Variants in SPG11 observed in about 807,000 individuals in gnomAD.
SPG11 encodes SPG11 vesicle trafficking associated, spatacsin.
Under a neutral mutation model 274.0 loss-of-function variants are expected in SPG11, and 222 were observed. That is an observed-to-expected ratio of 0.81 (90% CI 0.73 to 0.91). The LOEUF (loss-of-function observed/expected upper bound fraction) is 0.91, where lower values mean the gene tolerates loss of function less well. Among genes scored for constraint, SPG11 ranks in the 40% least tolerant of loss-of-function variants. SPG11 has a pLI of 0.00. For missense variants in SPG11, 3,114 were observed against 2,872.7 expected, an observed-to-expected ratio of 1.08 and a Z score of -1.92; for synonymous variants, 1,144 against 1,039.7, an observed-to-expected ratio of 1.10 and a Z score of -1.93.
intron 8 of SPG11, among the ~76,000 whole-genome samples, chr15:44,630,874 A>C (rs2084042275): frequency 6.6e-6 from 1 of 152,100 alleles, no homozygotes; most frequent in South Asian, 2.1e-4. Context: ...CACTGCACCC[A>C]GTCTGAGAAT....
At chr15:44,641,649 A>G (rs1158174782) in intron 7 of SPG11, among the ~76,000 whole-genome samples, 5 of 150,646 alleles carry the variant, frequency 3.3e-5, no homozygotes, top group African/African-American at 7.3e-5. Flanking sequence ...TTAATCAGGG[A>G]AATGCAAATG....
chr15:44,632,686 C>A (rs2084106593), intron 8 of SPG11, among the ~76,000 whole-genome samples: 1 of 151,826 alleles, frequency 6.6e-6, no homozygotes, highest in African/African-American at 2.4e-5. Flanking sequence ...TTTTAAAATT[C>A]TTTTGTAGAA....
rs528501467 is a variant in SPG11, at chr15:44,563,926, T to C, written c.7151+621A>G. Among the ~76,000 whole-genome samples the C allele has an allele frequency of 2.7e-4, 41 of 152,342 alleles. 1 individual carries two copies. Among genetic ancestry groups the C allele is most frequent in the South Asian group, 1.0e-3 (5 of 4,830 alleles). Reference sequence around the variant, plus strand: ...GCTTGATAAAATATTTCTTTAAAAATGAGTATGTTAATGCTTACCTTATAG... The same window carrying C: ...GCTTGATAAAATATTTCTTTAAAAACGAGTATGTTAATGCTTACCTTATAG... On this transcript the variant is annotated intron_variant, in intron 39 of 39. Transcript: ENST00000261866.
intron 8 of SPG11, among the ~76,000 whole-genome samples, chr15:44,630,651 G>T (rs1224824394): frequency 6.6e-6 from 1 of 152,006 alleles, no homozygotes; most frequent in Non-Finnish European, 1.5e-5. Flanking sequence ...GCGATCTCGG[G>T]TCACTGCAAC....
Position 44,659,303 on chromosome 15 carries a change from C to T in SPG11, c.443G>A (p.Ser148Asn), listed in dbSNP as rs141990871. ...LQKLIDDQDISISLLSLRILS... is the reference protein window; with the variant it reads ...LQKLIDDQDINISLLSLRILS... ...GATTCTCAAAGACAATAAGGAAATA[C>T]CTACAAAACAAAAGGATATTATTTC... The change falls in exon 3 of 40, where the codon AGT becomes AAT. Residue 148 changes from serine (S) to asparagine (N), a missense_variant and splice_region_variant. Coordinates refer to ENST00000261866, the MANE Select transcript of SPG11 (RefSeq NM_025137.4). 60 of 1,608,900 alleles carry T rather than the reference C, an allele frequency of 3.7e-5. 1 individual carries two copies. The South Asian group carries it at 5.3e-4, about 14-fold the overall frequency.
intron 7 of SPG11, among the ~76,000 whole-genome samples, chr15:44,645,676 C>T (rs1294527559): frequency 1.3e-5 from 2 of 152,126 alleles, no homozygotes; most frequent in Non-Finnish European, 1.5e-5. Context: ...AATAAACAGA[C>T]AACCTACAGA....
chr15:44,580,751 ACTGCAC>A (rs1306240926), intron 30 of SPG11, among the ~76,000 whole-genome samples: 5 of 152,274 alleles, frequency 3.3e-5, no homozygotes, highest in African/African-American at 1.2e-4. Context: ...AGATTGCGCC[ACTGCAC>A]TCCAGCCTGG....
Position 44,633,486 on chromosome 15 carries a change from A to G in SPG11, c.1735+19T>C. ...GATCAAATGATAAATACAAATGTAG[A>G]AATCTTTATTCCACTTACTTCTTAA... On this transcript the variant is annotated intron_variant, in intron 8 of 39. Transcript: ENST00000261866. 6.4e-7 allele frequency: 1 copy of G among 1,563,054 alleles called. No individual in the cohort carries two copies. Among genetic ancestry groups the G allele is most frequent in the East Asian group, 2.2e-5 (1 of 44,602 alleles).
Position 44,626,455 on chromosome 15 carries a change from A to G in SPG11, c.2120T>C (p.Phe707Ser). 1 of 1,614,072 alleles carries G rather than the reference A, an allele frequency of 6.2e-7. No homozygotes were observed. Among genetic ancestry groups the G allele is most frequent in the Non-Finnish European group, 8.5e-7 (1 of 1,179,982 alleles). Residue 707 changes from phenylalanine (F) to serine (S), a missense_variant, in exon 11 of 40, where the codon TTC becomes TCC. By Grantham distance (155) the Phe-to-Ser change is radical (BLOSUM62 -2). Transcript: ENST00000261866. The stretch of plus-strand genomic sequence containing the variant: ...AGCAGAATGACTATCAATCCTGAAG[A>G]AAGTCTGTGCCTCTGGTATTTTGTT... ...LNNKIPEAQTFFRIDSHSAQK... is the reference protein window; with the variant it reads ...LNNKIPEAQTSFRIDSHSAQK...
At chr15:44,569,880 C>A (rs1221674885) in intron 34 of SPG11, among the ~76,000 whole-genome samples, 1 of 152,104 alleles carries the variant, frequency 6.6e-6, no homozygotes, top group Non-Finnish European at 1.5e-5. Context: ...CCATGCCTGG[C>A]TAATTTTTGT....
At chr15:44,619,728 T>C (rs935298771) in intron 15 of SPG11, among the ~76,000 whole-genome samples, 2 of 151,518 alleles carry the variant, frequency 1.3e-5, no homozygotes, top group African/African-American at 4.9e-5. Flanking sequence ...ATGATTTTTT[T>C]TTTTTTTTTT....
At position 44,629,397 on chromosome 15, in the gene SPG11, G is replaced by C. The variant is rs778468434; in HGVS notation, c.1736-9C>G. On this transcript the variant is annotated splice_polypyrimidine_tract_variant and intron_variant, in intron 8 of 39. Coordinates refer to ENST00000261866, the MANE Select transcript of SPG11 (RefSeq NM_025137.4). ...TATCAGCTCTTCCACATCTGAGAAA[G>C]AACCAAAGAAATTAACATAAAGAAC... 6.2e-7 allele frequency: 1 copy of C among 1,613,560 alleles called. No homozygotes were observed. Among genetic ancestry groups the C allele is most frequent in the Non-Finnish European group, 8.5e-7 (1 of 1,179,844 alleles).
chr15:44,621,458 C>T (rs2083748410), intron 14 of SPG11: 4 of 366,508 alleles, frequency 1.1e-5, no homozygotes, highest in Non-Finnish European at 2.0e-5. Context: ...GCATAGATCC[C>T]CAATTTACAC....
intron 20 of SPG11, among the ~76,000 whole-genome samples, chr15:44,605,013 A>G (rs1304123169): frequency 6.7e-6 from 1 of 148,594 alleles, no homozygotes; most frequent in African/African-American, 2.5e-5. Flanking sequence ...TTCCTCAAGT[A>G]TGTTTTAAAC....
At chr15:44,639,276 T>TAC (rs71111873) in intron 7 of SPG11, among the ~76,000 whole-genome samples, 11,077 of 138,236 alleles carry the variant, frequency 0.08, 496 homozygotes, top group Admixed American at 0.16. Context: ...CACAAAGAGA[T>TAC]ACACACACAC....
intron 28 of SPG11, among the ~76,000 whole-genome samples, chr15:44,587,907 T>C (rs1204948504): frequency 6.6e-6 from 1 of 152,154 alleles, no homozygotes; most frequent in Non-Finnish European, 1.5e-5. Context: ...AAATTATTAC[T>C]ACAGATCAAT....
intron 6 of SPG11, among the ~76,000 whole-genome samples, chr15:44,649,593 T>A (rs983001516): frequency 1.3e-5 from 2 of 151,888 alleles, no homozygotes; most frequent in African/African-American, 4.8e-5. Flanking sequence ...ATGCATTTTA[T>A]GAAATAGCAC....
intron 21 of SPG11, 93 bp from the exon 22 acceptor site, chr15:44,598,929 G>T: frequency 7.9e-7 from 1 of 1,264,340 alleles, no homozygotes; most frequent in Non-Finnish European, 1.1e-6. Context: ...CAGAGGGAGT[G>T]CCAGCCATGT....
rs1431041320 is a variant in SPG11 at position 44,657,087 on chromosome 15, C to T, written c.869+8G>A. The stretch of plus-strand genomic sequence containing the variant: ...ACCTCAAATTAGAAACTGCAGTCAT[C>T]TACATACCTGAAATACAAATTTAAG... On this transcript the variant is annotated splice_region_variant and intron_variant, in intron 4 of 39. Transcript: ENST00000261866. 1 of 1,612,688 alleles carries T rather than the reference C, an allele frequency of 6.2e-7. No homozygotes were observed. Among genetic ancestry groups the T allele is most frequent in the Non-Finnish European group, 8.5e-7 (1 of 1,179,264 alleles).
Sources: allele counts gnomAD v4.1 joint callset (sites outside exome capture counted in the v4.1 genomes callset), GRCh38; gene constraint gnomAD v4.1.1; transcripts MANE v1.5; gene names NCBI Gene and HGNC (gene_info 2026-07-23, HGNC 2026-07-21).